PTPRT: variants seen among roughly 807,000 people sequenced by gnomAD.
The protein encoded by PTPRT is protein tyrosine phosphatase receptor type T, also known as receptor-type tyrosine-protein phosphatase T.
A neutral mutation model predicts 176.8 loss-of-function variants in PTPRT; 56 were observed. That is an observed-to-expected ratio of 0.32 (90% confidence interval 0.26 to 0.40). The LOEUF is 0.40. PTPRT is among the 10% of genes least tolerant of loss of function. The pLI, the probability that PTPRT is intolerant of heterozygous loss-of-function variation, is 1.00. For synonymous variants in PTPRT, 783 were observed against 739.0 expected (o/e 1.06, Z -0.96); for missense variants, 1,540 against 1,908.2 (o/e 0.81, Z 3.60).
At position 42,307,041 on chromosome 20, in the gene PTPRT, G is replaced by A. The variant is rs541666063; in HGVS notation, c.2139+8682C>T. 2.0e-5 allele frequency among the ~76,000 whole-genome samples: 3 copies of A among 152,324 alleles called. No homozygotes were observed. In the South Asian group the frequency reaches 6.2e-4, roughly 32 times the overall value. On this transcript the variant is annotated intron_variant, in intron 12 of 30. Coordinates refer to ENST00000373187, the MANE Select transcript of PTPRT (RefSeq NM_007050.6). The stretch of plus-strand genomic sequence containing the variant: ...GGTATGAACTGCCCAGGTGCTTCAG[G>A]AGCAAGTCTGGGTATTATAAGAATA...
chr20:42,467,129 G>A (rs138972544), intron 8 of PTPRT, among the ~76,000 whole-genome samples: 66 of 152,300 alleles, frequency 4.3e-4, no homozygotes, highest in Middle Eastern at 6.8e-3. Context: ...ACTAGTAAGC[G>A]TAGGGAGAAT....
rs559871288 is a variant in PTPRT, at chr20:42,327,691, A to G, written c.1866-11695T>C. On this transcript the variant is annotated intron_variant, in intron 11 of 30. Coordinates refer to ENST00000373187, the MANE Select transcript of PTPRT (RefSeq NM_007050.6). ...ATGGTTATTGTCTCATTCTTGCAATATCCTGTAGGTTTGAAATCAAAGAAA... is the reference window on the plus strand; with the variant it reads ...ATGGTTATTGTCTCATTCTTGCAATGTCCTGTAGGTTTGAAATCAAAGAAA... Among the ~76,000 whole-genome samples the G allele has an allele frequency of 1.9e-4, 29 of 152,246 alleles. No individual in the cohort carries two copies. In the South Asian group the frequency reaches 6.0e-3, roughly 32 times the overall value.
chr20:42,211,860 C>T lies in PTPRT; in HGVS notation c.2343-12472G>A, dbSNP rs1022336535. Among the ~76,000 whole-genome samples the T allele has an allele frequency of 3.2e-3, 484 of 151,710 alleles. 2 individuals carry two copies. The highest frequency in any genetic ancestry group is 0.011 in the African/African-American group (458 of 41,258). Reference sequence around the variant, plus strand: ...GACACATGCACACATATGTTTATTGCGGCGTTATTCACAATAGCAAAGACT... The same window carrying T: ...GACACATGCACACATATGTTTATTGTGGCGTTATTCACAATAGCAAAGACT... On this transcript the variant is annotated intron_variant, in intron 15 of 30. Transcript: ENST00000373187.
Position 42,830,028 on chromosome 20 carries a change from T to A in PTPRT, c.215-38562A>T, listed in dbSNP as rs572819584. ...AATACTACCAGATGTACAATGAAGA[T>A]CTGGTACCCTTCCTACCGAAACTAT... On this transcript the variant is annotated intron_variant, in intron 2 of 30. Transcript: ENST00000373187. Among the ~76,000 whole-genome samples, 5 of 152,204 alleles carry A rather than the reference T, an allele frequency of 3.3e-5. No individual in the cohort carries two copies. The South Asian group carries it at 1.0e-3, about 32-fold the overall frequency.
At chr20:42,315,580 T>G in intron 12 of PTPRT, 143 bp downstream of exon 12, 1 of 947,284 alleles carries the variant, frequency 1.1e-6, no homozygotes, top group East Asian at 2.6e-5. Flanking sequence ...GTACTATTAT[T>G]TTTTTAATTT....
chr20:42,171,672 TA>T (rs372308712), intron 16 of PTPRT, among the ~76,000 whole-genome samples: 2 of 152,050 alleles, frequency 1.3e-5, no homozygotes, highest in African/African-American at 2.4e-5. Flanking sequence ...CAAATAGAGA[TA>T]AAAAAACAAA....
chr20:42,558,454 A>G (rs560227980), intron 7 of PTPRT, among the ~76,000 whole-genome samples: 8 of 152,256 alleles, frequency 5.3e-5, no homozygotes, highest in African/African-American at 1.9e-4. Context: ...TGTTTATAAT[A>G]CAATGATTTA....
chr20:42,279,621 C>T (rs1038072169), intron 13 of PTPRT, among the ~76,000 whole-genome samples: 1 of 152,162 alleles, frequency 6.6e-6, no homozygotes, highest in African/African-American at 2.4e-5. Context: ...ACCGTCCAAG[C>T]TGGGTGGTAC....
intron 27 of PTPRT, among the ~76,000 whole-genome samples, chr20:42,086,548 T>C (rs984298311): frequency 6.6e-6 from 1 of 151,088 alleles, no homozygotes; most frequent in African/African-American, 2.4e-5. Flanking sequence ...TCTATTTTTC[T>C]TTTCACCACG....
chr20:42,677,362 T>G (rs1338871251), intron 7 of PTPRT, among the ~76,000 whole-genome samples: 2 of 151,346 alleles, frequency 1.3e-5, no homozygotes, highest in African/African-American at 4.9e-5. Context: ...AAATGAAGCG[T>G]TCACGGGGCA....
intron 7 of PTPRT, among the ~76,000 whole-genome samples, chr20:42,495,657 A>T (rs977389871): frequency 1.3e-4 from 20 of 152,184 alleles, no homozygotes; most frequent in Non-Finnish European, 2.5e-4. Context: ...GCTCAATTCT[A>T]AAAGAATTTT....
intron 9 of PTPRT, among the ~76,000 whole-genome samples, chr20:42,399,812 C>T (rs964043783): frequency 1.3e-5 from 2 of 152,190 alleles, no homozygotes; most frequent in Admixed American, 1.3e-4. Flanking sequence ...GGGTTAAATA[C>T]AATTCTCTAG....
At chr20:42,177,769 G>T (rs563450577) in intron 16 of PTPRT, among the ~76,000 whole-genome samples, 1 of 152,084 alleles carries the variant, frequency 6.6e-6, no homozygotes, top group Non-Finnish European at 1.5e-5. Context: ...TAGGGAAGAA[G>T]AATGGTAAGT....
chr20:42,569,438 T>G (rs1357707460), intron 7 of PTPRT, among the ~76,000 whole-genome samples: 1 of 152,102 alleles, frequency 6.6e-6, no homozygotes, highest in Admixed American at 6.6e-5. Flanking sequence ...CATGAAATGA[T>G]AAAAGTCATA....
intron 1 of PTPRT, among the ~76,000 whole-genome samples, chr20:43,086,948 A>G (rs530176071): frequency 6.6e-6 from 1 of 152,324 alleles, no homozygotes; most frequent in South Asian, 2.1e-4. Flanking sequence ...CCCTTTATAG[A>G]TGTACAGTTC....
In PTPRT at chr20:42,616,430, T is replaced by C. The variant is rs939642261; in HGVS notation, c.1153+61436A>G. The stretch of plus-strand genomic sequence containing the variant: ...TGACTTGGCGATGCGGGCTCTTTTT[T>C]GGTTCCATATGAACTTTAAAGTAGT... On this transcript the variant is annotated intron_variant, in intron 7 of 30. Coordinates refer to ENST00000373187, the MANE Select transcript of PTPRT (RefSeq NM_007050.6). 3.2e-5 allele frequency among the ~76,000 whole-genome samples: 4 copies of C among 124,468 alleles called. 1 individual carries two copies. Among genetic ancestry groups the C allele is most frequent in the African/African-American group, 1.5e-4 (4 of 27,380 alleles). The allele number at this position is 124,468 out of a possible 152,430, so 81.7% of individuals were successfully genotyped here.
At chr20:42,678,497 C>T (rs2075547994) in intron 6 of PTPRT, among the ~76,000 whole-genome samples, 1 of 152,010 alleles carries the variant, frequency 6.6e-6, no homozygotes, top group Non-Finnish European at 1.5e-5. Flanking sequence ...GATGGGGTTT[C>T]ACCATGTTGG....
At chr20:42,632,378 A>T (rs562350396) in intron 7 of PTPRT, among the ~76,000 whole-genome samples, 1 of 152,022 alleles carries the variant, frequency 6.6e-6, no homozygotes, top group Admixed American at 6.6e-5. Context: ...AGCTGGGATT[A>T]CAGGCCTGGC....
intron 9 of PTPRT, among the ~76,000 whole-genome samples, chr20:42,400,250 A>T (rs891171888): frequency 6.6e-6 from 1 of 152,212 alleles, no homozygotes. Flanking sequence ...TTAAAAAATC[A>T]TATGGGACTT....
Sources: allele counts gnomAD v4.1 joint callset (sites outside exome capture counted in the v4.1 genomes callset), GRCh38; gene constraint gnomAD v4.1.1; transcripts MANE v1.5; gene names NCBI Gene and HGNC (gene_info 2026-07-23, HGNC 2026-07-21).